Variants in MAP3K5 observed in about 807,000 individuals in gnomAD.
MAP3K5 encodes the protein mitogen-activated protein kinase kinase kinase 5.
Under a neutral mutation model 158.7 loss-of-function variants are expected in MAP3K5, and 56 were observed. That is an observed-to-expected ratio of 0.35 (90% CI 0.28 to 0.44). MAP3K5 has a LOEUF of 0.44. MAP3K5 is among the 20% of genes least tolerant of loss of function. The pLI is 1.00. For synonymous variants in MAP3K5, 579 were observed against 601.7 expected, an observed-to-expected ratio of 0.96 and a Z score of 0.55; for missense variants, 1,294 against 1,674.8, an observed-to-expected ratio of 0.77 and a Z score of 3.97.
In MAP3K5 at chr6:136,680,108, T is replaced by G. The variant is rs117413804; in HGVS notation, c.1254-10713A>C. Among the ~76,000 whole-genome samples the G allele has an allele frequency of 9.2e-4, 139 of 151,912 alleles. 3 individuals carry two copies. The East Asian group carries it at 0.023, about 26-fold the overall frequency. ...CAAATATAATACCACTTACATGAGG[T>G]ACCTAGAGTAGTCAAATTCAGAGAG... On this transcript the variant is annotated intron_variant, in intron 7 of 29. Transcript: ENST00000359015.
intron 1 of MAP3K5, among the ~76,000 whole-genome samples, chr6:136,746,812 T>G (rs1251522320): frequency 6.6e-6 from 1 of 152,246 alleles, no homozygotes; most frequent in Non-Finnish European, 1.5e-5. Flanking sequence ...CCGTCTGTGC[T>G]CTAAGAATGG....
intron 8 of MAP3K5, among the ~76,000 whole-genome samples, chr6:136,666,988 T>C (rs2114510147): frequency 6.6e-6 from 1 of 152,338 alleles, no homozygotes; most frequent in South Asian, 2.1e-4. Flanking sequence ...CATGTTTCTT[T>C]TACATATTAA....
At chr6:136,688,763 A>C (rs547225044) in intron 7 of MAP3K5, among the ~76,000 whole-genome samples, 1 of 152,244 alleles carries the variant, frequency 6.6e-6, no homozygotes, top group Non-Finnish European at 1.5e-5. Flanking sequence ...ATCCTTGTAC[A>C]CAATGCATTC....
rs568732349 is a variant in MAP3K5, at chr6:136,574,964, T to C, written c.3517+5337A>G. ...TCGGCCTCCCAAAGTGCTGGGATTATAGGCGTGAGCCACCGCGCCCGGCCT... is the reference window on the plus strand; with the variant it reads ...TCGGCCTCCCAAAGTGCTGGGATTACAGGCGTGAGCCACCGCGCCCGGCCT... On this transcript the variant is annotated intron_variant, in intron 25 of 29. Coordinates refer to ENST00000359015, the MANE Select transcript of MAP3K5 (RefSeq NM_005923.4). 2.2e-3 allele frequency among the ~76,000 whole-genome samples: 341 copies of C among 152,000 alleles called. 3 individuals carry two copies. The highest frequency in any genetic ancestry group is 7.3e-3 in the African/African-American group (303 of 41,508).
chr6:136,688,556 C>T lies in MAP3K5; in HGVS notation c.1253+5584G>A, dbSNP rs149483316. On this transcript the variant is annotated intron_variant, in intron 7 of 29. Transcript: ENST00000359015. Reference sequence around the variant, plus strand: ...TGACCTGAAGACCTTGAACACAAAGCTCTTTTGAGAGGCAGTTAATGTTCC... The same window carrying T: ...TGACCTGAAGACCTTGAACACAAAGTTCTTTTGAGAGGCAGTTAATGTTCC... 2.6e-5 allele frequency among the ~76,000 whole-genome samples: 4 copies of T among 152,214 alleles called. No individual in the cohort carries two copies. In the East Asian group the frequency reaches 7.7e-4, roughly 29 times the overall value.
intron 18 of MAP3K5, among the ~76,000 whole-genome samples, 170 bp downstream of exon 18, chr6:136,611,107 CAAAAA>C (rs59508317): frequency 2.9e-4 from 7 of 24,448 alleles, no homozygotes; most frequent in Admixed American, 6.4e-4. Flanking sequence ...GACCCTGTCT[CAAAAA>C]AAAAAAAAAA....
chr6:136,574,779 C>A (rs532630294), intron 25 of MAP3K5, among the ~76,000 whole-genome samples: 1 of 151,064 alleles, frequency 6.6e-6, no homozygotes, highest in Non-Finnish European at 1.5e-5. Context: ...GGCTCCACCC[C>A]CTGGGGTTCA....
chr6:136,616,461 T>G (rs567291039), intron 15 of MAP3K5, among the ~76,000 whole-genome samples: 1 of 151,878 alleles, frequency 6.6e-6, no homozygotes, highest in East Asian at 1.9e-4. Flanking sequence ...CCTGCCACCA[T>G]GCCTGGCTAA....
chr6:136,716,027 C>CAAAAAAAAAAAAAAAAAAAAAAAAA lies in MAP3K5; in HGVS notation c.588+4398_588+4422dup, dbSNP rs60678515. ...CCCGGGTGACAAAGCAAGATCGTCT[C>CAAAAAAAAAAAAAAAAAAAAAAAAA]AAAAAAAAAAAAAAAAAAAAAAAAA... On this transcript the variant is annotated intron_variant, in intron 2 of 29. Transcript: ENST00000359015. Among the ~76,000 whole-genome samples, 12 of 23,032 alleles carry CAAAAAAAAAAAAAAAAAAAAAAAAA rather than the reference C, an allele frequency of 5.2e-4. 5 individuals carry two copies. The highest frequency in any genetic ancestry group is 5.6e-4 in the Non-Finnish European group (8 of 14,208). 15.1% of individuals were successfully genotyped at this position (23,032 alleles called of 152,430 possible). A position where few individuals can be genotyped will look rare whatever the true frequency, so the allele number is the denominator to read the frequency against.
chr6:136,702,723 T>C (rs1780905080), intron 3 of MAP3K5, among the ~76,000 whole-genome samples: 1 of 152,200 alleles, frequency 6.6e-6, no homozygotes, highest in Non-Finnish European at 1.5e-5. Context: ...TAAGACAGAA[T>C]CTTACTCTGT....
chr6:136,676,321 T>C (rs1319742628), intron 7 of MAP3K5, among the ~76,000 whole-genome samples: 1 of 152,216 alleles, frequency 6.6e-6, no homozygotes, highest in East Asian at 1.9e-4. Context: ...CGTCAGTTCA[T>C]ACAAGATACA....
chr6:136,688,210 G>T (rs968419830), intron 7 of MAP3K5, among the ~76,000 whole-genome samples: 1 of 152,146 alleles, frequency 6.6e-6, no homozygotes, highest in Admixed American at 6.6e-5. Flanking sequence ...ATAAGTGGGT[G>T]TTGAACAATG....
chr6:136,600,449 C>T (rs1775825711), intron 21 of MAP3K5, among the ~76,000 whole-genome samples: 2 of 152,084 alleles, frequency 1.3e-5, no homozygotes, highest in South Asian at 4.1e-4. Flanking sequence ...CCATCTCGGC[C>T]TCCCAAAGTG....
intron 17 of MAP3K5, among the ~76,000 whole-genome samples, chr6:136,612,801 C>G (rs1245790704): frequency 1.3e-5 from 2 of 152,154 alleles, no homozygotes; most frequent in East Asian, 3.9e-4. Context: ...CCTATAAGCT[C>G]CTCAGGACCA....
chr6:136,712,194 G>A lies in MAP3K5; in HGVS notation c.589-7061C>T, dbSNP rs540255017. Among the ~76,000 whole-genome samples the A allele has an allele frequency of 3.9e-3, 496 of 126,266 alleles. 1 individual carries two copies. Among genetic ancestry groups the A allele is most frequent in the Non-Finnish European group, 6.6e-3 (395 of 60,038 alleles). The allele number at this position is 126,266 out of a possible 152,430, so 82.8% of individuals were successfully genotyped here. On this transcript the variant is annotated intron_variant, in intron 2 of 29. Coordinates refer to ENST00000359015, the MANE Select transcript of MAP3K5 (RefSeq NM_005923.4). ...ATAGAGCTTTTTTTTTTTTTTTTGA[G>A]ACAGGGTCTCACTCTGTCACTCTAT...
At chr6:136,614,384 C>T in intron 15 of MAP3K5, 98 bp from the exon 16 acceptor site, 2 of 1,384,292 alleles carry the variant, frequency 1.4e-6, no homozygotes, top group Non-Finnish European at 2.0e-6. Flanking sequence ...AAATATATGT[C>T]CATATGTAAA....
chr6:136,601,729 C>A (rs182687818), intron 20 of MAP3K5, 73 bp downstream of exon 20: 7 of 1,417,910 alleles, frequency 4.9e-6, no homozygotes, highest in Non-Finnish European at 5.8e-6. Context: ...AGTTTACTTC[C>A]GGAAAATTCT....
intron 14 of MAP3K5, among the ~76,000 whole-genome samples, chr6:136,632,339 G>A (rs1215319267): frequency 1.3e-5 from 2 of 152,090 alleles, no homozygotes; most frequent in Non-Finnish European, 2.9e-5. Context: ...TGGCCAACAT[G>A]GTGAAACTCC....
intron 25 of MAP3K5, chr6:136,579,948 T>C (rs1325184523): frequency 2.3e-6 from 1 of 438,656 alleles, no homozygotes; most frequent in South Asian, 1.6e-5. Context: ...AATTGCTCAA[T>C]ACATTGGAAG....
Sources: gnomAD v4.1 joint callset for allele counts (sites outside exome capture counted in the v4.1 genomes callset) on GRCh38, gnomAD v4.1.1 for gene constraint, MANE v1.5 for transcripts, NCBI Gene and HGNC (gene_info 2026-07-23, HGNC 2026-07-21) for gene names.